The following ZC3H12B variants were observed in gnomAD, a reference collection of about 807,000 sequenced individuals.
The protein encoded by ZC3H12B is zinc finger CCCH-type containing 12B.
In ZC3H12B, 7 loss-of-function variants were observed where a neutral mutation model predicts 43.9. That is an observed-to-expected ratio of 0.16 (90% CI 0.09 to 0.30). The LOEUF is 0.30. Among genes scored for constraint, ZC3H12B ranks in the 10% least tolerant of loss-of-function variants. ZC3H12B has a pLI of 1.00. For synonymous variants in ZC3H12B, 222 were observed against 241.7 expected, an observed-to-expected ratio of 0.92 and a Z score of 0.76; for missense variants, 475 against 670.2, an observed-to-expected ratio of 0.71 and a Z score of 3.22.
the ZC3H12B span, among the ~76,000 whole-genome samples, chrX:65,092,654 G>A: frequency 8.9e-6 from 1 of 111,816 alleles, no homozygotes; most frequent in Non-Finnish European, 1.9e-5. Context: ...CTGGCAGAAG[G>A]AATTTCTAAG....
chrX:65,284,490 G>A, the ZC3H12B span, among the ~76,000 whole-genome samples: 3 of 111,710 alleles, frequency 2.7e-5, no homozygotes, highest in South Asian at 1.1e-3. Context: ...GGCCGGGCAC[G>A]GTGGCTCATG....
intron 2 of ZC3H12B, among the ~76,000 whole-genome samples, chrX:65,397,921 A>T: frequency 8.9e-6 from 1 of 112,162 alleles, no homozygotes; most frequent in East Asian, 2.8e-4. Flanking sequence ...CTGATAAACA[A>T]ATTTAATAAA....
intron 2 of ZC3H12B, among the ~76,000 whole-genome samples, chrX:65,383,114 A>G (rs2066467371): frequency 8.9e-6 from 1 of 111,790 alleles, no homozygotes; most frequent in African/African-American, 3.3e-5. Context: ...TTTAAAGTTC[A>G]TATGGAACCA....
intron 3 of ZC3H12B, among the ~76,000 whole-genome samples, chrX:65,419,300 G>A (rs751427159): frequency 8.0e-5 from 9 of 111,964 alleles, no homozygotes; most frequent in Non-Finnish European, 1.1e-4. Context: ...AGATTGTAGA[G>A]ATTAGTGCCA....
At chrX:65,212,800 A>C in the ZC3H12B span, among the ~76,000 whole-genome samples, 5 of 102,546 alleles carry the variant, frequency 4.9e-5, no homozygotes, top group South Asian at 2.0e-3. Context: ...CTATGAGAAC[A>C]TCGACTATAT....
chrX:65,332,832 T>TA, the ZC3H12B span, among the ~76,000 whole-genome samples: 1 of 111,987 alleles, frequency 8.9e-6, no homozygotes, highest in Non-Finnish European at 1.9e-5. Context: ...TTTTGAAACA[T>TA]AGTTTTTCTC....
the ZC3H12B span, among the ~76,000 whole-genome samples, chrX:65,158,812 A>G: frequency 9.0e-6 from 1 of 111,664 alleles, no homozygotes. Flanking sequence ...TTTTGTTGCC[A>G]TTGCTTTTGG....
At chrX:65,490,219 G>C (rs1212069527) in intron 1 of ZC3H12B, among the ~76,000 whole-genome samples, 1 of 109,741 alleles carries the variant, frequency 9.1e-6, no homozygotes, top group African/African-American at 3.3e-5. Flanking sequence ...TATCAAAGTG[G>C]GCCTAATGTA....
the ZC3H12B span, among the ~76,000 whole-genome samples, chrX:65,043,686 A>G: frequency 9.0e-6 from 1 of 111,681 alleles, no homozygotes; most frequent in East Asian, 2.8e-4. Flanking sequence ...AAAGCAAAAC[A>G]ATTTCCCCAT....
the ZC3H12B span, among the ~76,000 whole-genome samples, chrX:65,178,517 G>A: frequency 8.9e-6 from 1 of 112,186 alleles, no homozygotes; most frequent in Non-Finnish European, 1.9e-5. Context: ...CTATCCATCT[G>A]ACAAAGGGCT....
upstream of ZC3H12B, among the ~76,000 whole-genome samples, chrX:65,364,459 G>A (rs1037794149): frequency 3.7e-5 from 4 of 108,711 alleles, no homozygotes; most frequent in South Asian, 4.1e-4. Flanking sequence ...CCATCAAAAG[G>A]CATCAGATCC....
chrX:65,094,876 T>C, the ZC3H12B span, among the ~76,000 whole-genome samples: 1 of 112,002 alleles, frequency 8.9e-6, no homozygotes, highest in East Asian at 2.8e-4. Flanking sequence ...CTTGTGTGTT[T>C]GAGTTGCAAG....
At chrX:65,263,494 C>G in the ZC3H12B span, among the ~76,000 whole-genome samples, 1 of 110,520 alleles carries the variant, frequency 9.0e-6, no homozygotes, top group Non-Finnish European at 1.9e-5. Context: ...TTAATGGAAC[C>G]ATGGTTACAT....
rs1216484249 is a variant in ZC3H12B at position 65,455,878 on chromosome X, A to T, written n.408-32768A>T. Among the ~76,000 whole-genome samples, 10 of 111,833 alleles carry T rather than the reference A, an allele frequency of 8.9e-5. No individual in the cohort carries two copies. The Admixed American group carries it at 9.5e-4, about 11-fold the overall frequency. On this transcript the variant is annotated intron_variant and non_coding_transcript_variant, in intron 3 of 5. Coordinates refer to the ZC3H12B transcript ENST00000617377. ...CAGAATTTCATATCCAGCCAAACTAAGCTTCATAAGTGAAGGAGAAATAAA... is the reference window on the plus strand; with the variant it reads ...CAGAATTTCATATCCAGCCAAACTATGCTTCATAAGTGAAGGAGAAATAAA...
At chrX:65,148,299 G>A in the ZC3H12B span, among the ~76,000 whole-genome samples, 2 of 111,368 alleles carry the variant, frequency 1.8e-5, no homozygotes, top group African/African-American at 3.3e-5. Flanking sequence ...ATGGCATAAT[G>A]CTCCGTGGGC....
At chrX:65,408,833 T>A (rs1455383906) in intron 3 of ZC3H12B, among the ~76,000 whole-genome samples, 1 of 111,943 alleles carries the variant, frequency 8.9e-6, no homozygotes, top group African/African-American at 3.2e-5. Context: ...GTTTGCAGGG[T>A]TTGCTGTGGG....
At chrX:65,234,171 G>C in the ZC3H12B span, among the ~76,000 whole-genome samples, 1 of 111,823 alleles carries the variant, frequency 8.9e-6, no homozygotes, top group African/African-American at 3.2e-5. Flanking sequence ...TCATGTAGTG[G>C]AATTCATTTC....
the ZC3H12B span, among the ~76,000 whole-genome samples, chrX:65,294,309 G>T: frequency 9.0e-6 from 1 of 111,653 alleles, no homozygotes; most frequent in East Asian, 2.8e-4. Flanking sequence ...AATGCTGAAA[G>T]AATTCACCAC....
chrX:65,457,736 C>T (rs1324122024), intron 3 of ZC3H12B, among the ~76,000 whole-genome samples: 18 of 65,879 alleles, frequency 2.7e-4, no homozygotes, highest in African/African-American at 1.9e-3. Flanking sequence ...AATTCTTCTG[C>T]CTTGGGATCC....
Sources: gnomAD v4.1 joint callset for allele counts (sites outside exome capture counted in the v4.1 genomes callset) on GRCh38, gnomAD v4.1.1 for gene constraint, MANE v1.5 for transcripts, NCBI Gene and HGNC (gene_info 2026-07-23, HGNC 2026-07-21) for gene names.